Variants in RASGEF1A observed in about 807,000 individuals in gnomAD.
RASGEF1A encodes the protein ras-GEF domain-containing family member 1A.
RASGEF1A carries 18 observed loss-of-function variants against 56.4 expected under a neutral mutation model. The observed-to-expected ratio is 0.32, with a 90% confidence interval of 0.22 to 0.47. RASGEF1A has a LOEUF of 0.47. Among genes scored for constraint, RASGEF1A ranks in the 20% least tolerant of loss-of-function variants. The pLI, the probability that RASGEF1A is intolerant of heterozygous loss-of-function variation, is 1.00. For missense variants in RASGEF1A, 422 were observed against 627.1 expected, an observed-to-expected ratio of 0.67 and a Z score of 3.49; for synonymous variants, 245 against 242.6, an observed-to-expected ratio of 1.01 and a Z score of -0.09.
intron 1 of RASGEF1A, among the ~76,000 whole-genome samples, chr10:43,217,136 G>T (rs1054850406): frequency 6.6e-6 from 1 of 152,178 alleles, no homozygotes; most frequent in East Asian, 1.9e-4. Context: ...AGCGAGGGGA[G>T]CCGATGGCCT....
chr10:43,204,199 G>A (rs1476933746), intron 2 of RASGEF1A, among the ~76,000 whole-genome samples: 1 of 152,030 alleles, frequency 6.6e-6, no homozygotes, highest in Non-Finnish European at 1.5e-5. Flanking sequence ...GCTTCCTAGA[G>A]GGACTCTGCC....
chr10:43,211,190 G>A (rs543267092), intron 1 of RASGEF1A, among the ~76,000 whole-genome samples: 9 of 152,346 alleles, frequency 5.9e-5, no homozygotes, highest in South Asian at 2.1e-4. Context: ...CGCAGGGCCG[G>A]TGGACACAAG....
chr10:43,239,395 G>A (rs117086050), intron 1 of RASGEF1A, among the ~76,000 whole-genome samples: 1 of 152,186 alleles, frequency 6.6e-6, no homozygotes, highest in Non-Finnish European at 1.5e-5. Flanking sequence ...AAATGGTGGA[G>A]TAAGGACCTC....
At chr10:43,199,936 C>A (rs998030710) in intron 6 of RASGEF1A, among the ~76,000 whole-genome samples, 168 bp from the exon 7 acceptor site, 1 of 152,208 alleles carries the variant, frequency 6.6e-6, no homozygotes, top group African/African-American at 2.4e-5. Flanking sequence ...GCCAGGCTGG[C>A]TCCCTGGCCC....
intron 1 of RASGEF1A, among the ~76,000 whole-genome samples, chr10:43,242,492 C>T (rs1398994592): frequency 1.4e-5 from 2 of 137,938 alleles, no homozygotes; most frequent in Admixed American, 7.1e-5. Context: ...AAAAAAATCG[C>T]TCCCTCTCCC....
At chr10:43,243,908 T>A (rs1341109267) in intron 1 of RASGEF1A, among the ~76,000 whole-genome samples, 4 of 150,472 alleles carry the variant, frequency 2.7e-5, no homozygotes. Flanking sequence ...CCATCGAGAA[T>A]GGGCCATGAT....
chr10:43,215,274 C>G (rs956645409), intron 1 of RASGEF1A, among the ~76,000 whole-genome samples: 1 of 152,144 alleles, frequency 6.6e-6, no homozygotes, highest in East Asian at 1.9e-4. Flanking sequence ...CCTCTGCCAG[C>G]CTTGGCAGGG....
At chr10:43,213,190 T>C (rs1439288755) in intron 1 of RASGEF1A, among the ~76,000 whole-genome samples, 3 of 152,176 alleles carry the variant, frequency 2.0e-5, no homozygotes, top group Admixed American at 6.5e-5. Flanking sequence ...GTGGCTATAG[T>C]TTGCAGCAAT....
intron 1 of RASGEF1A, chr10:43,208,508 G>A: frequency 4.1e-6 from 4 of 985,700 alleles, no homozygotes; most frequent in Non-Finnish European, 2.4e-6. Flanking sequence ...GGGGCCTGGA[G>A]GAGGAGCATG....
intron 1 of RASGEF1A, among the ~76,000 whole-genome samples, chr10:43,217,031 G>A (rs1010229173): frequency 2.6e-5 from 4 of 152,172 alleles, no homozygotes; most frequent in African/African-American, 4.8e-5. Flanking sequence ...GAGCCCTCCG[G>A]GATCCCACCT....
In RASGEF1A at chr10:43,229,808, G is replaced by A. The variant is rs1840337442; in HGVS notation, c.-6-23686C>T. The A allele has an allele frequency of 1.4e-5, 17 of 1,187,724 alleles. No homozygotes were observed. The South Asian group carries it at 3.0e-4, about 21-fold the overall frequency. 73.6% of individuals were successfully genotyped at this position (1,187,724 alleles called of 1,614,324 possible). A position where few individuals can be genotyped will look rare whatever the true frequency, so the allele number is the denominator to read the frequency against. ...GGTGGGACCCCGGAAGCAGGGAACC[G>A]AGGGGCTGGGCTGGGGACCGCGGGG... On this transcript the variant is annotated intron_variant, in intron 1 of 12. Transcript: ENST00000395810.
chr10:43,207,937 G>T, intron 1 of RASGEF1A: 1 of 730,368 alleles, frequency 1.4e-6, no homozygotes, highest in Non-Finnish European at 1.7e-6. Context: ...CCTCCAGGAA[G>T]CCTCCCTGGG....
chr10:43,218,412 G>C (rs1387468160), intron 1 of RASGEF1A, among the ~76,000 whole-genome samples: 1 of 152,252 alleles, frequency 6.6e-6, no homozygotes, highest in East Asian at 1.9e-4. Flanking sequence ...AGCTGGCTCT[G>C]GTCTAGGGAT....
At position 43,194,856 on chromosome 10, in the gene RASGEF1A, C is replaced by T. The variant is rs1427368753; in HGVS notation, c.*1388G>A. ...ATGTACTATCAATATACAATCTGTA[C>T]TAGCTAGAACCTCAGAAAGTGCAAA... On this transcript the variant is annotated 3_prime_UTR_variant, in exon 13 of 13. Coordinates refer to ENST00000395810, the MANE Select transcript of RASGEF1A (RefSeq NM_145313.4). The T allele has an allele frequency of 6.5e-6, 1 of 152,684 alleles. No individual in the cohort carries two copies. The highest frequency in any genetic ancestry group is 2.4e-5 in the African/African-American group (1 of 41,468). 9.5% of individuals were successfully genotyped at this position (152,684 alleles called of 1,614,324 possible). A position where few individuals can be genotyped will look rare whatever the true frequency, so the allele number is the denominator to read the frequency against.
chr10:43,259,403 T>C lies in RASGEF1A; in HGVS notation c.-7+7442A>G, dbSNP rs977094271. On this transcript the variant is annotated intron_variant, in intron 1 of 12. Transcript: ENST00000395810. The stretch of plus-strand genomic sequence containing the variant: ...ACACTTGCAGCCTTCTGCAGAAGAC[T>C]GGAGTGCCAGCATCCAAGGGCCGAG... Among the ~76,000 whole-genome samples the C allele has an allele frequency of 2.0e-5, 3 of 152,160 alleles. No homozygotes were observed. The South Asian group carries it at 6.2e-4, about 31-fold the overall frequency.
intron 2 of RASGEF1A, 105 bp from the exon 3 acceptor site, chr10:43,203,525 C>T: frequency 2.1e-6 from 3 of 1,431,608 alleles, no homozygotes; most frequent in Non-Finnish European, 2.8e-6. Context: ...CCCAGCACCG[C>T]CGGTCCCGAG....
intron 1 of RASGEF1A, among the ~76,000 whole-genome samples, chr10:43,210,029 C>T (rs1180768154): frequency 3.3e-5 from 5 of 152,226 alleles, no homozygotes; most frequent in African/African-American, 1.2e-4. Context: ...TGTCGATTGT[C>T]AAAGAGCAGA....
intron 1 of RASGEF1A, among the ~76,000 whole-genome samples, chr10:43,250,115 T>A (rs974439955): frequency 6.6e-6 from 1 of 152,206 alleles, no homozygotes; most frequent in Non-Finnish European, 1.5e-5. Flanking sequence ...ATGTGGTGAA[T>A]GCCATGCACC....
Position 43,200,760 on chromosome 10 carries a change from G to T in RASGEF1A, c.588C>A (p.Ile196=). 6.2e-7 allele frequency: 1 copy of T among 1,613,958 alleles called. No individual in the cohort carries two copies. The highest frequency in any genetic ancestry group is 8.5e-7 in the Non-Finnish European group (1 of 1,180,032). ...LRPPAVDKGP[I]LKTKPPAAQK... ...GGGCGGCTGGTGGCTTGGTCTTGAG[G>T]ATGGGCCCCTTGTCTACAGCCGGTG... The change falls in exon 5 of 13, where the codon ATC becomes ATA. Residue 196 remains isoleucine (I), a synonymous_variant. Transcript: ENST00000395810.
Sources: gnomAD v4.1 joint callset for allele counts (sites outside exome capture counted in the v4.1 genomes callset) on GRCh38, gnomAD v4.1.1 for gene constraint, MANE v1.5 for transcripts, NCBI Gene and HGNC (gene_info 2026-07-23, HGNC 2026-07-21) for gene names.